The following HEXB variants were observed in gnomAD, a reference collection of about 807,000 sequenced individuals.
HEXB encodes hexosaminidase subunit beta, also known as beta-hexosaminidase subunit beta.
In HEXB, 51 loss-of-function variants were observed where a neutral mutation model predicts 71.2. The ratio of observed to expected loss-of-function variants is 0.72; its 90% CI spans 0.57 to 0.90. The LOEUF is 0.90. Ranked by LOEUF, HEXB falls within the 40% of genes least tolerant of loss-of-function variation. HEXB has a pLI of 0.00. For synonymous variants in HEXB, 266 were observed against 249.3 expected, an observed-to-expected ratio of 1.07 and a Z score of -0.63; for missense variants, 617 against 677.0, an observed-to-expected ratio of 0.91 and a Z score of 0.98.
At chr5:74,700,619 C>A (rs1749239858) in intron 5 of HEXB, among the ~76,000 whole-genome samples, 1 of 151,980 alleles carries the variant, frequency 6.6e-6, no homozygotes. Flanking sequence ...TATATACTTA[C>A]CCATCATATG....
At chr5:74,669,924 C>T (rs1373807669) in intron 1 of HEXB, among the ~76,000 whole-genome samples, 1 of 152,128 alleles carries the variant, frequency 6.6e-6, no homozygotes, top group Non-Finnish European at 1.5e-5. Context: ...AAGAACTTCC[C>T]ATGTGCAATA....
chr5:74,647,816 T>A (rs1374873425), intron 1 of HEXB, among the ~76,000 whole-genome samples: 6 of 152,242 alleles, frequency 3.9e-5, no homozygotes, highest in Admixed American at 3.3e-4. Context: ...AATTGTGGTT[T>A]CATTCATTTA....
At chr5:74,683,076 G>A (rs567419038), upstream of HEXB, among the ~76,000 whole-genome samples, 2 of 152,238 alleles carry the variant, frequency 1.3e-5, no homozygotes, top group African/African-American at 4.8e-5. Context: ...GGAGAAACCT[G>A]GCAAGATGTG....
chr5:74,684,334 G>C (rs1401284584), upstream of HEXB, among the ~76,000 whole-genome samples: 1 of 152,148 alleles, frequency 6.6e-6, no homozygotes, highest in African/African-American at 2.4e-5. Flanking sequence ...TTGTCAGTTG[G>C]GATCCTTTAT....
chr5:74,717,477 C>CATATATATATATAT (rs57555383), intron 9 of HEXB, among the ~76,000 whole-genome samples: 120 of 146,606 alleles, frequency 8.2e-4, no homozygotes, highest in Admixed American at 1.3e-3. Context: ...CTGAAAAATG[C>CATATATATATATAT]ATATATATAT....
rs770688100 is a variant in HEXB, at chr5:74,720,621, G to A, written c.1509-22G>A. 3.1e-6 allele frequency: 5 copies of A among 1,606,138 alleles called. No individual in the cohort carries two copies. The South Asian group carries it at 4.4e-5, about 14-fold the overall frequency. ...ACATAAATTTAAACTGCTTGCGGGG[G>A]GATGTGTGATTTAAATTTTAGGCCT... On this transcript the variant is annotated intron_variant, in intron 12 of 13. Transcript: ENST00000261416.
At position 74,713,384 on chromosome 5, in the gene HEXB, C is replaced by T; in HGVS notation, c.772-122C>T. 3 of 895,782 alleles carry T rather than the reference C, an allele frequency of 3.3e-6. No homozygotes were observed. In the South Asian group the frequency reaches 4.1e-5, roughly 12 times the overall value. The allele number at this position is 895,782 out of a possible 1,614,324, so 55.5% of individuals were successfully genotyped here. ...ATGAGTCATCTAATATCACATGAAA[C>T]TAATACATTGTCATAGTGAAAAAAT... On this transcript the variant is annotated intron_variant, in intron 6 of 13. Coordinates refer to ENST00000261416, the MANE Select transcript of HEXB (RefSeq NM_000521.4).
rs905174616 is a variant in HEXB at position 74,641,307 on chromosome 5, A to G, written c.-377+749A>G. On this transcript the variant is annotated intron_variant, in intron 1 of 13. Transcript: ENST00000511181. This position sits in a 1 kb window ranked among gnomAD's most constrained non-coding sequence, Gnocchi z 4.1. ...CAGTTTAGGGACACTCGGGTTGAGC[A>G]AGCCAGGACGTTTAAGTTTCTTGCT... 3 of 152,348 alleles carry G rather than the reference A, an allele frequency of 2.0e-5. No homozygotes were observed. Among genetic ancestry groups the G allele is most frequent in the African/African-American group, 7.2e-5 (3 of 41,454 alleles). The allele number at this position is 152,348 out of a possible 1,614,324, so 9.4% of individuals were successfully genotyped here.
intron 5 of HEXB, among the ~76,000 whole-genome samples, chr5:74,700,001 C>CTTTTTTTTTTTTTTTTTTT (rs58177670): frequency 5.0e-5 from 2 of 40,336 alleles, no homozygotes; most frequent in Admixed American, 4.1e-4. Context: ...TGTAAGTTTC[C>CTTTTTTTTTTTTTTTTTTT]TTTTTTTTTT....
rs34224491 is a variant in HEXB at position 74,650,925 on chromosome 5, C to CA, written c.-377+10388dup. ...TGGGCAACAGCGTGAGACTCTGTCT[C>CA]AAAAAAAAAAAAAAAAAAAAAGGCA... On this transcript the variant is annotated intron_variant, in intron 1 of 13. Transcript: ENST00000511181. Among the ~76,000 whole-genome samples, 133 of 95,378 alleles carry CA rather than the reference C, an allele frequency of 1.4e-3. 3 individuals carry two copies. The highest frequency in any genetic ancestry group is 7.9e-3 in the East Asian group (25 of 3,150). The allele number at this position is 95,378 out of a possible 152,430, so 62.6% of individuals were successfully genotyped here.
chr5:74,654,450 AG>A, intron 1 of HEXB, among the ~76,000 whole-genome samples: 1 of 152,174 alleles, frequency 6.6e-6, no homozygotes, highest in African/African-American at 2.4e-5. Context: ...CATTCCCACG[AG>A]ATATACTAAC....
chr5:74,672,329 C>T (rs202026304), intron 1 of HEXB, among the ~76,000 whole-genome samples: 1 of 152,242 alleles, frequency 6.6e-6, no homozygotes, highest in Non-Finnish European at 1.5e-5. Context: ...TTCCACTTGC[C>T]TCTGGAGGCT....
At chr5:74,692,146 C>A (rs994925752) in intron 2 of HEXB, among the ~76,000 whole-genome samples, 1 of 151,732 alleles carries the variant, frequency 6.6e-6, no homozygotes, top group African/African-American at 2.4e-5. Context: ...TAGAATGTGG[C>A]AAAAAAATGT....
upstream of HEXB, among the ~76,000 whole-genome samples, chr5:74,681,198 G>A (rs1340521282): frequency 2.0e-5 from 3 of 152,172 alleles, no homozygotes; most frequent in African/African-American, 7.2e-5. Flanking sequence ...TGAATAAGTT[G>A]TAGTGATTAT....
chr5:74,710,396 C>G (rs1197528400), intron 6 of HEXB, among the ~76,000 whole-genome samples: 1 of 152,230 alleles, frequency 6.6e-6, no homozygotes, highest in Non-Finnish European at 1.5e-5. Flanking sequence ...GATGCCCCCT[C>G]TCACCACTCC....
intron 1 of HEXB, among the ~76,000 whole-genome samples, chr5:74,670,406 T>C (rs1298495689): frequency 6.6e-6 from 1 of 152,134 alleles, no homozygotes; most frequent in East Asian, 1.9e-4. Flanking sequence ...ATAAAATTAT[T>C]CTCCACCCTC....
chr5:74,720,696 A>G lies in HEXB; in HGVS notation c.1562A>G (p.Asp521Gly). ...ERLWSSKDVR[D>G]MDDAYDRLTR... The stretch of plus-strand genomic sequence containing the variant: ...CTCTGGAGTTCCAAAGATGTCAGAG[A>G]TATGGATGACGCCTATGACAGACTG... The change falls in exon 13 of 14, where the codon GAT becomes GGT. Residue 521 changes from aspartate (D) to glycine (G), a missense_variant. Coordinates refer to ENST00000261416, the MANE Select transcript of HEXB (RefSeq NM_000521.4). 2.5e-6 allele frequency: 4 copies of G among 1,614,224 alleles called. No homozygotes were observed. The highest frequency in any genetic ancestry group is 3.4e-6 in the Non-Finnish European group (4 of 1,180,026).
intron 1 of HEXB, among the ~76,000 whole-genome samples, chr5:74,644,702 GTTATGT>G (rs1747968350): frequency 7.1e-6 from 1 of 140,266 alleles, no homozygotes; most frequent in Non-Finnish European, 1.5e-5. Flanking sequence ...GTTAAAAAAA[GTTATGT>G]TTATGTTAAA....
intron 2 of HEXB, among the ~76,000 whole-genome samples, chr5:74,691,404 C>G (rs1014559976): frequency 3.9e-5 from 6 of 152,150 alleles, no homozygotes; most frequent in African/African-American, 1.4e-4. Context: ...GAAGAACTGT[C>G]AATAAAACTC....
Sources: gnomAD v4.1 joint callset for allele counts (sites outside exome capture counted in the v4.1 genomes callset) on GRCh38, gnomAD v4.1.1 for gene constraint, Gnocchi (gnomAD v3.1) non-coding constraint, MANE v1.5 for transcripts, NCBI Gene and HGNC (gene_info 2026-07-23, HGNC 2026-07-21) for gene names.